The following TNNI3K variants were observed in gnomAD, a reference collection of about 807,000 sequenced individuals.
TNNI3K encodes the protein serine/threonine-protein kinase TNNI3K.
TNNI3K carries 140 observed loss-of-function variants against 114.5 expected under a neutral mutation model. The ratio of observed to expected loss-of-function variants is 1.22; its 90% CI spans 1.07 to 1.41. TNNI3K has a LOEUF of 1.41. Among genes scored for constraint, TNNI3K ranks in the 40% most tolerant of loss-of-function variants. The probability of loss-of-function intolerance (pLI) is 0.00; values close to 1 mark genes in which losing one functional copy is unlikely to be tolerated. For missense variants in TNNI3K, 1,125 were observed against 1,007.6 expected (o/e 1.12, Z -1.58); for synonymous variants, 347 against 347.5 (o/e 1.00, Z 0.02).
At chr1:74,252,892 G>C (rs537797170) in intron 4 of TNNI3K, among the ~76,000 whole-genome samples, 167 of 152,312 alleles carry the variant, frequency 1.1e-3, no homozygotes, top group African/African-American at 3.8e-3. Context: ...AGGGGCACCC[G>C]AGTGGGTTGC....
intron 5 of TNNI3K, among the ~76,000 whole-genome samples, chr1:74,294,093 AT>A (rs1179673396): frequency 6.6e-6 from 1 of 151,504 alleles, no homozygotes. Context: ...TGATGTTTTT[AT>A]TTTTTAATTT....
At chr1:74,328,384 G>A (rs761244780) in intron 5 of TNNI3K, among the ~76,000 whole-genome samples, 43 of 151,736 alleles carry the variant, frequency 2.8e-4, no homozygotes, top group African/African-American at 8.7e-4. Context: ...CTAAATGTTG[G>A]TATGAGTGTA....
intron 20 of TNNI3K, among the ~76,000 whole-genome samples, chr1:74,460,034 T>A (rs1004110869): frequency 1.3e-5 from 2 of 152,210 alleles, no homozygotes; most frequent in Non-Finnish European, 2.9e-5. Flanking sequence ...TAGCCACATT[T>A]TAAGTGCTCT....
At chr1:74,251,201 A>G (rs1654905737) in intron 4 of TNNI3K, among the ~76,000 whole-genome samples, 1 of 152,178 alleles carries the variant, frequency 6.6e-6, no homozygotes, top group Non-Finnish European at 1.5e-5. Context: ...ATTTTTCTTA[A>G]AAAACCTTTT....
chr1:74,315,236 G>A (rs564790032), intron 5 of TNNI3K, among the ~76,000 whole-genome samples: 22 of 152,246 alleles, frequency 1.4e-4, no homozygotes, highest in African/African-American at 3.9e-4. Context: ...AAGAGAAAAA[G>A]TGACCAGAAA....
chr1:74,328,744 T>G (rs953716639), intron 5 of TNNI3K, among the ~76,000 whole-genome samples: 1 of 152,116 alleles, frequency 6.6e-6, no homozygotes, highest in Non-Finnish European at 1.5e-5. Context: ...AAAAAATGGC[T>G]TTAAACTGTT....
rs1214416713 is a variant in TNNI3K at position 74,540,329 on chromosome 1, C to A, written c.2431+16C>A. On this transcript the variant is annotated intron_variant, in intron 24 of 24. Coordinates refer to ENST00000326637, the MANE Select transcript of TNNI3K (RefSeq NM_015978.3). The stretch of plus-strand genomic sequence containing the variant: ...GACAAATATGGTAAGTAGGCAGATT[C>A]TTTAGGTTTGTTAAGAAAACTACCC... 6.2e-7 allele frequency: 1 copy of A among 1,608,224 alleles called. No individual in the cohort carries two copies. The highest frequency in any genetic ancestry group is 2.2e-5 in the East Asian group (1 of 44,504).
chr1:74,370,486 A>G, intron 17 of TNNI3K, 94 bp downstream of exon 17: 1 of 1,095,804 alleles, frequency 9.1e-7, no homozygotes, highest in Non-Finnish European at 1.3e-6. Flanking sequence ...CTTATTGCAG[A>G]TCAGGGTACT....
chr1:74,452,997 T>C (rs961349096), intron 20 of TNNI3K, among the ~76,000 whole-genome samples: 5 of 152,208 alleles, frequency 3.3e-5, no homozygotes, highest in African/African-American at 9.6e-5. Flanking sequence ...TCTTTCTTAA[T>C]TCTCCAATAT....
rs1290579568 is a variant in TNNI3K, at chr1:74,375,495, C to A, written c.1772+5103C>A. On this transcript the variant is annotated intron_variant, in intron 17 of 24. Transcript: ENST00000326637. The stretch of plus-strand genomic sequence containing the variant: ...AGCTGGAGACTGAAAGATTAGAAAC[C>A]TCCCCAGATTGCTTCTGGGGATAAA... The A allele has an allele frequency of 9.1e-6, 4 of 440,292 alleles. No individual in the cohort carries two copies. The Admixed American group carries it at 9.6e-5, about 11-fold the overall frequency. The allele number at this position is 440,292 out of a possible 1,614,324, so 27.3% of individuals were successfully genotyped here.
intron 20 of TNNI3K, among the ~76,000 whole-genome samples, chr1:74,461,906 T>C (rs1259513681): frequency 3.3e-5 from 5 of 152,200 alleles, no homozygotes; most frequent in Admixed American, 2.6e-4. Flanking sequence ...TCGGAAATGA[T>C]TAAAAACTAA....
intron 17 of TNNI3K, among the ~76,000 whole-genome samples, chr1:74,413,684 G>A (rs1281315316): frequency 1.3e-5 from 2 of 152,218 alleles, no homozygotes; most frequent in East Asian, 1.9e-4. Flanking sequence ...TACAAGCGCC[G>A]AAAATTTACG....
intron 4 of TNNI3K, among the ~76,000 whole-genome samples, chr1:74,271,288 A>T (rs1399328136): frequency 4.6e-5 from 7 of 151,888 alleles, no homozygotes; most frequent in Admixed American, 3.9e-4. Flanking sequence ...AAGCATATTC[A>T]TTGGAGTAAC....
At chr1:74,326,696 G>A (rs1659923939) in intron 5 of TNNI3K, among the ~76,000 whole-genome samples, 1 of 152,146 alleles carries the variant, frequency 6.6e-6, no homozygotes. Context: ...CAGAAAATAA[G>A]TGATTAATAC....
intron 5 of TNNI3K, among the ~76,000 whole-genome samples, chr1:74,326,309 C>T (rs983750651): frequency 4.6e-5 from 7 of 152,094 alleles, no homozygotes; most frequent in African/African-American, 7.2e-5. Context: ...CCTCTTTATA[C>T]GGTCATTCTT....
intron 21 of TNNI3K, among the ~76,000 whole-genome samples, chr1:74,464,412 G>A (rs1667580282): frequency 6.6e-6 from 1 of 152,160 alleles, no homozygotes; most frequent in South Asian, 2.1e-4. Flanking sequence ...GACCTCATAT[G>A]TAAAGACCTA....
At chr1:74,283,930 A>C (rs2100262359) in intron 5 of TNNI3K, among the ~76,000 whole-genome samples, 1 of 152,250 alleles carries the variant, frequency 6.6e-6, no homozygotes, top group South Asian at 2.1e-4. Flanking sequence ...ATTCGTCTGC[A>C]CTTAGCCTTC....
chr1:74,523,459 T>C (rs1423279465), intron 23 of TNNI3K, among the ~76,000 whole-genome samples: 1 of 152,206 alleles, frequency 6.6e-6, no homozygotes, highest in African/African-American at 2.4e-5. Context: ...TAATTTTCTT[T>C]TGAAATGCCC....
chr1:74,266,226 C>T (rs572460797), intron 4 of TNNI3K, among the ~76,000 whole-genome samples: 2 of 152,142 alleles, frequency 1.3e-5, no homozygotes, highest in Admixed American at 1.3e-4. Context: ...GCTTAACACA[C>T]TGACTGGAAT....
Sources: gnomAD v4.1 joint callset for allele counts (sites outside exome capture counted in the v4.1 genomes callset) on GRCh38, gnomAD v4.1.1 for gene constraint, MANE v1.5 for transcripts, NCBI Gene and HGNC (gene_info 2026-07-23, HGNC 2026-07-21) for gene names.